PTOV1: variants seen among roughly 807,000 people sequenced by gnomAD.
PTOV1 encodes PTOV1 extended AT-hook containing adaptor protein.
In PTOV1, 20 loss-of-function variants were observed where a neutral mutation model predicts 58.0. That is an observed-to-expected ratio of 0.34 (90% CI 0.24 to 0.50). PTOV1 has a LOEUF of 0.50. Among genes scored for constraint, PTOV1 ranks in the 20% least tolerant of loss-of-function variants. PTOV1 has a pLI of 0.98. For synonymous variants in PTOV1, 335 were observed against 234.2 expected (o/e 1.43, Z -3.93); for missense variants, 593 against 565.4 (o/e 1.05, Z -0.50).
intron 1 of PTOV1, 103 bp from the exon 2 acceptor site, chr19:49,854,303 T>C: frequency 4.1e-6 from 6 of 1,455,510 alleles, no homozygotes; most frequent in Non-Finnish European, 5.6e-6. Flanking sequence ...CAGCAGGGGA[T>C]TTGGGGCTGA....
upstream of PTOV1, chr19:49,851,055 C>T: frequency 6.7e-7 from 1 of 1,496,698 alleles, no homozygotes. Context: ...GCCGAGCCCA[C>T]ACTCCGCTCC....
At chr19:49,856,837 A>G (rs939943975) in intron 5 of PTOV1, 138 bp from the exon 6 acceptor site, 13 of 1,034,520 alleles carry the variant, frequency 1.3e-5, no homozygotes, top group Admixed American at 5.2e-5. Context: ...CCCCTCACCT[A>G]TGGCCATGGC....
exon 11 of PTOV1, chr19:49,860,145 C>A: frequency 6.2e-7 from 1 of 1,614,218 alleles, no homozygotes; most frequent in Non-Finnish European, 8.5e-7. Flanking sequence ...GCAGCAGGTC[C>A]TGCAGCGGAA....
intron 5 of PTOV1, chr19:49,856,639 C>T (rs1337690436): frequency 1.2e-5 from 4 of 328,786 alleles, no homozygotes; most frequent in Admixed American, 4.3e-5. Context: ...GGGGCGCTGC[C>T]TGTGCTCTTA....
intron 6 of PTOV1, chr19:49,857,350 G>T: frequency 3.0e-6 from 2 of 667,274 alleles, no homozygotes; most frequent in Non-Finnish European, 5.0e-6. Flanking sequence ...TTGGCGCGGC[G>T]GCAGGGAAGC....
Position 49,857,162 on chromosome 19 carries a change from CAG to C in PTOV1, c.714+35_714+36del, listed in dbSNP as rs373038392. On this transcript the variant is annotated intron_variant, in intron 6 of 11. Coordinates refer to ENST00000391842, the Ensembl canonical transcript of PTOV1. Reference sequence around the variant, plus strand: ...CAGCCAAGCACAGCCCCTCTGGGGACAGAGGGGGATTAGACCCCACTGCCCTG... The same window carrying C: ...CAGCCAAGCACAGCCCCTCTGGGGACAGGGGGATTAGACCCCACTGCCCTG... The C allele has an allele frequency of 1.3e-3, 2,138 of 1,613,002 alleles. 21 individuals are homozygous for C. In the African/African-American group the frequency reaches 0.023, roughly 17 times the overall value.
intron 1 of PTOV1, chr19:49,852,057 C>T: frequency 3.0e-6 from 3 of 985,498 alleles, no homozygotes; most frequent in Non-Finnish European, 3.6e-6. Flanking sequence ...CGTAAACATT[C>T]AGCTTCGCAG....
exon 2 of PTOV1, chr19:49,854,415 C>A (rs1337404982): frequency 1.2e-6 from 2 of 1,609,952 alleles, no homozygotes; most frequent in East Asian, 4.5e-5. Flanking sequence ...GGAAGGTGCT[C>A]GGGTCTTCGG....
chr19:49,851,757 G>T (rs2074259466), intron 1 of PTOV1: 1 of 1,090,604 alleles, frequency 9.2e-7, no homozygotes, highest in Non-Finnish European at 1.1e-6. Flanking sequence ...CTGACTCCGC[G>T]GCCCGATTTA....
chr19:49,858,931 C>T (rs2074609251), intron 10 of PTOV1: 1 of 343,522 alleles, frequency 2.9e-6, no homozygotes, highest in African/African-American at 2.1e-5. Context: ...GGGACAGGCG[C>T]CCTTGTCACT....
In PTOV1 at chr19:49,857,985, C is replaced by T. The variant is rs1011184824; in HGVS notation, c.878+8C>T. On this transcript the variant is annotated splice_region_variant and intron_variant, in intron 8 of 11. Transcript: ENST00000391842. ...GAACCAGGGGGAGATCCTGTGAGTGCTGGGCTGGGGGGTGGAGGCAGCATC... is the reference window on the plus strand; with the variant it reads ...GAACCAGGGGGAGATCCTGTGAGTGTTGGGCTGGGGGGTGGAGGCAGCATC... 3.1e-6 allele frequency: 5 copies of T among 1,612,928 alleles called. No individual in the cohort carries two copies. The highest frequency in any genetic ancestry group is 3.4e-6 in the Non-Finnish European group (4 of 1,179,314).
intron 9 of PTOV1, 65 bp from the exon 10 acceptor site, chr19:49,858,484 G>T: frequency 7.4e-7 from 1 of 1,356,482 alleles, no homozygotes; most frequent in African/African-American, 1.4e-5. Context: ...GGGACTCAGC[G>T]GGCTGGGAGC....
chr19:49,850,810 T>A (rs1204377040), upstream of PTOV1: 3 of 1,517,268 alleles, frequency 2.0e-6, no homozygotes, highest in Non-Finnish European at 2.7e-6. Context: ...CCCAGGCCCA[T>A]TATTCCGTCC....
chr19:49,860,371 C>CCG, exon 12 of PTOV1: 1 of 644,060 alleles, frequency 1.6e-6, no homozygotes, highest in Non-Finnish European at 2.5e-6. Flanking sequence ...AGGAGGGACC[C>CCG]TGGGGCATGT....
At chr19:49,851,316 GC>G in exon 1 of PTOV1, 1 of 1,054,280 alleles carries the variant, frequency 9.5e-7, no homozygotes, top group East Asian at 7.8e-5. Context: ...CGCCCGCTCG[GC>G]CCGCGCCCGC....
intron 7 of PTOV1, 45 bp downstream of exon 7, chr19:49,857,827 C>G (rs369639358): frequency 1.2e-5 from 20 of 1,612,472 alleles, no homozygotes; most frequent in East Asian, 2.2e-5. Context: ...CAGATCCTCA[C>G]GGACTGTGGC....
intron 1 of PTOV1, among the ~76,000 whole-genome samples, chr19:49,853,578 C>T (rs2074341873): frequency 6.6e-6 from 1 of 151,512 alleles, no homozygotes; most frequent in Non-Finnish European, 1.5e-5. Flanking sequence ...GATCGCACCA[C>T]TGCACTCCAG....
chr19:49,856,997 A>G, exon 6 of PTOV1: 1 of 1,613,390 alleles, frequency 6.2e-7, no homozygotes, highest in African/African-American at 1.3e-5. Context: ...CTGTTCCCCC[A>G]CATCTCCCCC....
exon 1 of PTOV1, chr19:49,851,326 G>A (rs2074235582): frequency 1.9e-6 from 2 of 1,027,706 alleles, no homozygotes; most frequent in South Asian, 4.6e-5. Context: ...GCCCGCGCCC[G>A]CCATGGTCCG....
Sources: allele counts gnomAD v4.1 joint callset (sites outside exome capture counted in the v4.1 genomes callset), GRCh38; gene constraint gnomAD v4.1.1; transcripts MANE v1.5; gene names NCBI Gene and HGNC (gene_info 2026-07-23, HGNC 2026-07-21).